The following FLT1 variants were observed in gnomAD, a reference collection of about 807,000 sequenced individuals.
FLT1 encodes the protein vascular endothelial growth factor receptor 1.
FLT1 carries 49 observed loss-of-function variants against 156.3 expected under a neutral mutation model. That is an observed-to-expected ratio of 0.31 (90% CI 0.25 to 0.40). The LOEUF (loss-of-function observed/expected upper bound fraction) is 0.40, where lower values mean the gene tolerates loss of function less well. Ranked by LOEUF, FLT1 falls within the 10% of genes least tolerant of loss-of-function variation. FLT1 has a pLI of 1.00. For synonymous variants in FLT1, 594 were observed against 583.8 expected, an observed-to-expected ratio of 1.02 and a Z score of -0.25; for missense variants, 1,322 against 1,637.2, an observed-to-expected ratio of 0.81 and a Z score of 3.32.
At chr13:28,430,629 T>C (rs1204045862) in intron 7 of FLT1, among the ~76,000 whole-genome samples, 1 of 152,190 alleles carries the variant, frequency 6.6e-6, no homozygotes, top group Non-Finnish European at 1.5e-5. Context: ...TGTTTCCTTT[T>C]CAGCAATGGA....
intron 14 of FLT1, among the ~76,000 whole-genome samples, chr13:28,383,767 T>G (rs1267391167): frequency 6.6e-6 from 1 of 151,768 alleles, no homozygotes; most frequent in Admixed American, 6.6e-5. Context: ...AGGTGGAGGC[T>G]GCAGTGAGCT....
chr13:28,440,238 G>T lies in FLT1; in HGVS notation c.389-1893C>A, dbSNP rs77626551. Reference sequence around the variant, plus strand: ...CTACATTCCTAGAGGAGAGGAAATGGATTGTATTCATGTCTGTCTCATGTG... The same window carrying T: ...CTACATTCCTAGAGGAGAGGAAATGTATTGTATTCATGTCTGTCTCATGTG... On this transcript the variant is annotated intron_variant, in intron 3 of 29. Coordinates refer to ENST00000282397, the MANE Select transcript of FLT1 (RefSeq NM_002019.4). Among the ~76,000 whole-genome samples, 800 of 152,312 alleles carry T rather than the reference G, an allele frequency of 5.3e-3. 6 individuals are homozygous for T. Among genetic ancestry groups the T allele is most frequent in the African/African-American group, 0.018 (765 of 41,556 alleles).
chr13:28,345,353 G>A (rs770913636), intron 16 of FLT1, 92 bp downstream of exon 16: 3 of 754,294 alleles, frequency 4.0e-6, no homozygotes, highest in Non-Finnish European at 7.0e-6. Context: ...GAAAGAAAGA[G>A]GGTCCAACAT....
At chr13:28,406,511 TCAC>T (rs1474261308) in intron 10 of FLT1, among the ~76,000 whole-genome samples, 2 of 152,192 alleles carry the variant, frequency 1.3e-5, no homozygotes, top group Non-Finnish European at 2.9e-5. Flanking sequence ...TTTAAACATT[TCAC>T]CATTTTGCAT....
chr13:28,437,702 CT>C (rs1330981131), intron 4 of FLT1, among the ~76,000 whole-genome samples: 1 of 152,082 alleles, frequency 6.6e-6, no homozygotes, highest in East Asian at 1.9e-4. Context: ...TCTTTCCTCC[CT>C]TTTTCCCTAA....
At chr13:28,318,681 AC>A (rs143515938) in intron 24 of FLT1, among the ~76,000 whole-genome samples, 3,302 of 152,238 alleles carry the variant, frequency 0.022, 119 homozygotes, top group African/African-American at 0.072. Flanking sequence ...ATTACAGGAA[AC>A]CAGGGATGTT....
chr13:28,437,084 A>T (rs1219802561), intron 4 of FLT1, among the ~76,000 whole-genome samples: 11 of 152,182 alleles, frequency 7.2e-5, no homozygotes, highest in Non-Finnish European at 1.5e-5. Context: ...GCCCAGTATG[A>T]CCTGCGAAGT....
At chr13:28,311,888 TTCTGA>T in intron 26 of FLT1, 100 bp downstream of exon 26, 1 of 1,095,742 alleles carries the variant, frequency 9.1e-7, no homozygotes, top group Admixed American at 1.8e-5. Flanking sequence ...TTTTTTAAAC[TTCTGA>T]TCTCAGCTAT....
rs10591691 is a variant in FLT1, at chr13:28,313,908, A to AGAGAG, written c.3387-1811_3387-1810insCTCTC. Among the ~76,000 whole-genome samples the AGAGAG allele has an allele frequency of 9.3e-3, 1,337 of 143,694 alleles. 47 individuals are homozygous for AGAGAG. Among genetic ancestry groups the AGAGAG allele is most frequent in the East Asian group, 0.069 (342 of 4,976 alleles). The allele number at this position is 143,694 out of a possible 152,430, so 94.3% of individuals were successfully genotyped here. ...GGAGGTAAAAAAAAAAAAAAAAAAA[A>AGAGAG]AGAAGAATCCGGGTGTGGTGGCTCA... is the stretch of plus-strand genomic sequence containing the variant. On this transcript the variant is annotated intron_variant, in intron 25 of 29. Coordinates refer to ENST00000282397, the MANE Select transcript of FLT1 (RefSeq NM_002019.4).
intron 1 of FLT1, among the ~76,000 whole-genome samples, chr13:28,474,474 A>ACC (rs1880425804): frequency 3.4e-5 from 5 of 147,898 alleles, no homozygotes; most frequent in Admixed American, 1.4e-4. Flanking sequence ...AAACAAAACA[A>ACC]AACAACCACA....
chr13:28,361,767 A>G (rs1873121101), intron 14 of FLT1, among the ~76,000 whole-genome samples: 1 of 152,182 alleles, frequency 6.6e-6, no homozygotes, highest in African/African-American at 2.4e-5. Context: ...ACATTTTTTC[A>G]TGTGTGTATT....
intron 3 of FLT1, among the ~76,000 whole-genome samples, chr13:28,441,214 C>G (rs1878317474): frequency 6.6e-6 from 1 of 152,196 alleles, no homozygotes; most frequent in Admixed American, 6.5e-5. Flanking sequence ...ACAAACACAA[C>G]TTCAGTAAAC....
Position 28,319,530 on chromosome 13 carries a change from C to A in FLT1, c.3179G>T (p.Arg1060Leu), listed in dbSNP as rs753623232. ...AGGAGCCATCCATTTCAGAGGAAGTCGAGTCTAGAAGAGGGCAAGGGGGCC... is the reference window on the plus strand; with the variant it reads ...AGGAGCCATCCATTTCAGAGGAAGTAGAGTCTAGAAGAGGGCAAGGGGGCC... ...NPDYVRKGDT[R>L]LPLKWMAPES... Residue 1060 changes from arginine (R) to leucine (L), a missense_variant, in exon 24 of 30, where the codon CGA (arginine) becomes CTA (leucine). Coordinates refer to ENST00000282397, the MANE Select transcript of FLT1 (RefSeq NM_002019.4). 6.2e-7 allele frequency: 1 copy of A among 1,609,634 alleles called. No individual in the cohort carries two copies. The highest frequency in any genetic ancestry group is 1.1e-5 in the South Asian group (1 of 90,786).
In FLT1 at chr13:28,396,966, T is replaced by C. The variant is rs202210823; in HGVS notation, c.1654A>G (p.Ile552Val). The C allele has an allele frequency of 3.8e-6, 6 of 1,575,288 alleles. 1 individual carries two copies. The African/African-American group carries it at 4.0e-5, about 11-fold the overall frequency. The change falls in exon 12 of 30, where the codon ATC (isoleucine) becomes GTC (valine). Residue 552 changes from isoleucine to valine, a missense_variant. Ile to Val is a conservative substitution (Grantham distance 29). Transcript: ENST00000282397. ...TATAGGATGTGTGGCTTACCTGTGA[T>C]ATAAAAGCTTATGTTTCTTCCCACA... ...GTVGRNISFY[I>V]TDVPNGFHVN...
At chr13:28,462,413 C>T (rs566481840) in intron 3 of FLT1, among the ~76,000 whole-genome samples, 1 of 152,190 alleles carries the variant, frequency 6.6e-6, no homozygotes, top group South Asian at 2.1e-4. Flanking sequence ...CTTAAATGGC[C>T]CCAACATTAC....
chr13:28,319,845 A>G (rs887221738), intron 23 of FLT1, among the ~76,000 whole-genome samples: 2 of 152,234 alleles, frequency 1.3e-5, no homozygotes, highest in Admixed American at 1.3e-4. Context: ...CCACAGGGAC[A>G]CACTCAGGGC....
intron 14 of FLT1, chr13:28,368,682 A>G (rs1873411442): frequency 1.2e-6 from 1 of 840,002 alleles, no homozygotes; most frequent in Non-Finnish European, 2.0e-6. Context: ...ACAGTAAATA[A>G]TCATATCTTT....
intron 1 of FLT1, among the ~76,000 whole-genome samples, chr13:28,471,794 A>G (rs1012998310): frequency 2.0e-5 from 3 of 152,230 alleles, no homozygotes; most frequent in African/African-American, 7.2e-5. Context: ...CCAATAAATG[A>G]TCTTGTCCCT....
At chr13:28,384,456 A>G (rs1874231608) in intron 14 of FLT1, among the ~76,000 whole-genome samples, 1 of 151,622 alleles carries the variant, frequency 6.6e-6, no homozygotes. Context: ...CTCAAAAAAA[A>G]AAAAAAAAAA....
Sources: allele counts gnomAD v4.1 joint callset (sites outside exome capture counted in the v4.1 genomes callset), GRCh38; gene constraint gnomAD v4.1.1; transcripts MANE v1.5; gene names NCBI Gene and HGNC (gene_info 2026-07-23, HGNC 2026-07-21).